The following FZR1 variants were observed in gnomAD, a reference collection of about 807,000 sequenced individuals.
FZR1 encodes the protein fizzy and cell division cycle 20 related 1, also known as fizzy-related protein homolog.
In FZR1, 11 loss-of-function variants were observed where a neutral mutation model predicts 63.6. The observed-to-expected ratio is 0.17, with a 90% CI of 0.11 to 0.29. The LOEUF is 0.29. Among genes scored for constraint, FZR1 ranks in the 10% least tolerant of loss-of-function variants. FZR1 has a pLI of 1.00. For synonymous variants in FZR1, 328 were observed against 297.9 expected, an observed-to-expected ratio of 1.10 and a Z score of -1.04; for missense variants, 440 against 687.5, an observed-to-expected ratio of 0.64 and a Z score of 4.03.
chr19:3,532,226 G>T (rs533540682), intron 10 of FZR1, 131 bp downstream of exon 10: 1 of 979,202 alleles, frequency 1.0e-6, no homozygotes, highest in East Asian at 2.6e-5. Flanking sequence ...CAGGGCACCA[G>T]GCTTGTCCTT....
rs998958835 is a variant in FZR1, at chr19:3,537,404, C to T, written c.*2568C>T. 2.6e-5 allele frequency: 4 copies of T among 152,288 alleles called. No individual in the cohort carries two copies. The highest frequency in any genetic ancestry group is 5.9e-5 in the Non-Finnish European group (4 of 68,104). The allele number at this position is 152,288 out of a possible 1,614,324, so 9.4% of individuals were successfully genotyped here. Reference sequence around the variant, plus strand: ...ACGCCCAGATGGAGGGGGAGGCTGACCAAGGGCCCCGCAGGGCGGGCTGCA... The same window carrying T: ...ACGCCCAGATGGAGGGGGAGGCTGATCAAGGGCCCCGCAGGGCGGGCTGCA... On this transcript the variant is annotated 3_prime_UTR_variant, in exon 14 of 14. Transcript: ENST00000441788.
Position 3,530,465 on chromosome 19 carries a change from TGAGCGCATGGGA to T in FZR1, c.655-315_655-304del, listed in dbSNP as rs970472498. 3.7e-5 allele frequency among the ~76,000 whole-genome samples: 4 copies of T among 107,148 alleles called. No homozygotes were observed. In the South Asian group the frequency reaches 1.1e-3, roughly 29 times the overall value. 70.3% of individuals were successfully genotyped at this position (107,148 alleles called of 152,430 possible). ...GAGAGCGCATGGGAGAGCGCATGGA[TGAGCGCATGGGA>T]GAGCGCATGGGTGAGCGGATGCAAG... On this transcript the variant is annotated intron_variant, in intron 7 of 13. Transcript: ENST00000441788.
intron 2 of FZR1, among the ~76,000 whole-genome samples, chr19:3,523,736 T>C (rs1055603993): frequency 1.3e-5 from 2 of 152,172 alleles, no homozygotes; most frequent in Non-Finnish European, 2.9e-5. Flanking sequence ...CCCTCCCCCA[T>C]GGGCTGGCCT....
intron 1 of FZR1, among the ~76,000 whole-genome samples, chr19:3,508,401 G>A (rs1229107761): frequency 6.6e-6 from 1 of 152,056 alleles, no homozygotes; most frequent in Middle Eastern, 3.2e-3. Flanking sequence ...CACCATGTTG[G>A]CCAGGCTGGT....
rs754542868 is a variant in FZR1, at chr19:3,526,104, G to C, written c.196-16G>C. 2 of 1,612,194 alleles carry C rather than the reference G, an allele frequency of 1.2e-6. No individual in the cohort carries two copies. The highest frequency in any genetic ancestry group is 1.7e-5 in the Admixed American group (1 of 60,018). The stretch of plus-strand genomic sequence containing the variant: ...CGGGCTCCTCGACCCCTCCCTCTCT[G>C]CTCTCCTGCCTGCAGGAGAATGAGA... On this transcript the variant is annotated splice_polypyrimidine_tract_variant and intron_variant, in intron 3 of 13. Coordinates refer to ENST00000441788, the MANE Select transcript of FZR1 (RefSeq NM_016263.4). This position sits in a 1 kb window ranked among gnomAD's most constrained non-coding sequence, Gnocchi z 5.4.
At position 3,533,523 on chromosome 19, in the gene FZR1, C is replaced by T. The variant is rs2083268342; in HGVS notation, c.1347+125C>T. The T allele has an allele frequency of 4.7e-6, 3 of 643,304 alleles. No homozygotes were observed. Among genetic ancestry groups the T allele is most frequent in the Non-Finnish European group, 2.8e-6 (1 of 357,158 alleles). 39.8% of individuals were successfully genotyped at this position (643,304 alleles called of 1,614,324 possible). A position where few individuals can be genotyped will look rare whatever the true frequency, so the allele number is the denominator to read the frequency against. ...TGCAGATCTAAAACCCCGTGGGACC[C>T]AGCAGCAGGGGCCGGCAGGGCATCT... is the stretch of plus-strand genomic sequence containing the variant. On this transcript the variant is annotated intron_variant, in intron 12 of 13. Transcript: ENST00000441788. The surrounding 1 kb of genome is among the most constrained non-coding windows in gnomAD (Gnocchi z 4.9).
intron 1 of FZR1, among the ~76,000 whole-genome samples, chr19:3,513,666 C>T (rs1024674951): frequency 1.3e-5 from 2 of 152,324 alleles, no homozygotes; most frequent in East Asian, 1.9e-4. Flanking sequence ...ATGCTCTGCC[C>T]CTGGGCCAGG....
At position 3,526,197 on chromosome 19, in the gene FZR1, C is replaced by A. The variant is rs1173533163; in HGVS notation, c.259+14C>A. ...ACAACGGCAAAGGTTAGGGTCCCAG[C>A]CCATCCGCCCTGCAGGCCCCCACCC... On this transcript the variant is annotated intron_variant, in intron 4 of 13. Coordinates refer to ENST00000441788, the MANE Select transcript of FZR1 (RefSeq NM_016263.4). This position sits in a 1 kb window ranked among gnomAD's most constrained non-coding sequence, Gnocchi z 5.4. 1 of 1,612,182 alleles carries A rather than the reference C, an allele frequency of 6.2e-7. No individual in the cohort carries two copies. The highest frequency in any genetic ancestry group is 1.7e-5 in the Admixed American group (1 of 60,028).
At chr19:3,511,312 G>C (rs74551698) in intron 1 of FZR1, among the ~76,000 whole-genome samples, 1 of 152,176 alleles carries the variant, frequency 6.6e-6, no homozygotes, top group African/African-American at 2.4e-5. Flanking sequence ...GTGGGCTGGA[G>C]GTGGGAGCTG....
At chr19:3,524,634 C>T (rs563715276) in intron 2 of FZR1, among the ~76,000 whole-genome samples, 4 of 152,274 alleles carry the variant, frequency 2.6e-5, no homozygotes, top group Admixed American at 6.5e-5. Context: ...ACGCAGCACT[C>T]GCAGAACCTC....
chr19:3,508,714 G>A (rs2122102240), intron 1 of FZR1, among the ~76,000 whole-genome samples: 1 of 152,308 alleles, frequency 6.6e-6, no homozygotes, highest in South Asian at 2.1e-4. Flanking sequence ...TGGTCTTCTA[G>A]GAACTCAGCG....
chr19:3,531,750 G>C lies in FZR1; in HGVS notation c.757G>C (p.Val253Leu), dbSNP rs1371759175. Residue 253 changes from valine (V) to leucine (L), a missense_variant, in exon 9 of 14, where the codon GTG becomes CTG. Physicochemically the swap from Val to Leu is conservative, Grantham distance 32 (BLOSUM62 1). Around this residue, in one of 5 missense-constraint regions of FZR1, gnomAD observed 208 missense variants for 363.6 expected, o/e 0.57. Coordinates refer to ENST00000441788, the MANE Select transcript of FZR1 (RefSeq NM_016263.4). ...GGCGGTGGGCACACACAAGGGCTTC[G>C]TGCAGATCTGGGACGCAGCCGCAGG... ...LVAVGTHKGF[V>L]QIWDAAAGKK... The C allele has an allele frequency of 6.5e-7, 1 of 1,550,002 alleles. No individual in the cohort carries two copies. Among genetic ancestry groups the C allele is most frequent in the South Asian group, 1.2e-5 (1 of 84,014 alleles).
intron 7 of FZR1, among the ~76,000 whole-genome samples, chr19:3,529,016 GAGT>G (rs1277137863): frequency 4.0e-5 from 6 of 151,556 alleles, no homozygotes; most frequent in African/African-American, 1.5e-4. Flanking sequence ...GAGTGGATGA[GAGT>G]AGTTGAGGAA....
At position 3,515,762 on chromosome 19, in the gene FZR1, T is replaced by C. The variant is rs1311714187; in HGVS notation, c.-34-7194T>C. 1.8e-5 allele frequency among the ~76,000 whole-genome samples: 2 copies of C among 109,152 alleles called. No individual in the cohort carries two copies. The highest frequency in any genetic ancestry group is 9.1e-5 in the African/African-American group (2 of 21,924). The allele number at this position is 109,152 out of a possible 152,430, so 71.6% of individuals were successfully genotyped here. A position where few individuals can be genotyped will look rare whatever the true frequency, so the allele number is the denominator to read the frequency against. On this transcript the variant is annotated intron_variant, in intron 1 of 13. Coordinates refer to ENST00000441788, the MANE Select transcript of FZR1 (RefSeq NM_016263.4). This position sits in a 1 kb window ranked among gnomAD's most constrained non-coding sequence, Gnocchi z 4.6. ...GCCTGGGTGACAGAGCCAGACTCCG[T>C]CTCTAAAAAAAAAAAAAAAAGGAAT...
chr19:3,511,961 AG>A (rs1258905887), intron 1 of FZR1, among the ~76,000 whole-genome samples: 1 of 152,134 alleles, frequency 6.6e-6, no homozygotes, highest in Non-Finnish European at 1.5e-5. Context: ...TCTCTCCGCT[AG>A]GCCCCGGCTC....
intron 10 of FZR1, among the ~76,000 whole-genome samples, 157 bp downstream of exon 10, chr19:3,532,252 C>T (rs2083255721): frequency 6.6e-6 from 1 of 152,250 alleles, no homozygotes; most frequent in Non-Finnish European, 1.5e-5. Flanking sequence ...TCAGCCAGTC[C>T]TGCCCTGTGG....
Position 3,527,031 on chromosome 19 carries a change from C to T in FZR1, c.439C>T (p.Pro147Ser), listed in dbSNP as rs1230195026. ...CCCCGATGACGGCAACGATGTGTCTCCCTACTCCCTGTCTCCCGTCAGCAA... is the reference window on the plus strand; with the variant it reads ...CCCCGATGACGGCAACGATGTGTCTTCCTACTCCCTGTCTCCCGTCAGCAA... ...SSPDDGNDVS[P>S]YSLSPVSNKS... The change falls in exon 6 of 14, where the codon CCC becomes TCC. Residue 147 changes from proline to serine, a missense_variant. Physicochemically the swap from Pro to Ser is moderately conservative, Grantham distance 74. Coordinates refer to ENST00000441788, the MANE Select transcript of FZR1 (RefSeq NM_016263.4). The T allele has an allele frequency of 6.2e-7, 1 of 1,612,266 alleles. No homozygotes were observed. The highest frequency in any genetic ancestry group is 1.7e-5 in the Admixed American group (1 of 60,014).
chr19:3,530,520 G>GA (rs1479482548), intron 7 of FZR1, among the ~76,000 whole-genome samples: 5 of 151,256 alleles, frequency 3.3e-5, no homozygotes, highest in Non-Finnish European at 7.4e-5. Context: ...GAGAGTGGTT[G>GA]AGGGAGTGGA....
chr19:3,527,190 C>T (rs1308342928), intron 6 of FZR1, 128 bp downstream of exon 6: 3 of 777,590 alleles, frequency 3.9e-6, no homozygotes, highest in Non-Finnish European at 4.5e-6. Context: ...GGGGGCTTCC[C>T]AGGGCATAGT....
Sources: gnomAD v4.1 joint callset for allele counts (sites outside exome capture counted in the v4.1 genomes callset) on GRCh38, gnomAD v4.1.1 for gene constraint, gnomAD v4.1.1 regional missense constraint, Gnocchi (gnomAD v3.1) non-coding constraint, MANE v1.5 for transcripts, NCBI Gene and HGNC (gene_info 2026-07-23, HGNC 2026-07-21) for gene names.